Variants in BRINP3 observed in about 807,000 individuals in gnomAD.
BRINP3 encodes BMP/retinoic acid-inducible neural-specific protein 3.
BRINP3 carries 19 observed loss-of-function variants against 71.0 expected under a neutral mutation model. That is an observed-to-expected ratio of 0.27 (90% CI 0.19 to 0.39). BRINP3 has a LOEUF of 0.39. Among genes scored for constraint, BRINP3 ranks in the 10% least tolerant of loss-of-function variants. The probability of loss-of-function intolerance (pLI) is 1.00; values close to 1 mark genes in which losing one functional copy is unlikely to be tolerated. For synonymous variants in BRINP3, 380 were observed against 337.7 expected, an observed-to-expected ratio of 1.13 and a Z score of -1.37; for missense variants, 959 against 940.8, an observed-to-expected ratio of 1.02 and a Z score of -0.25.
intron 3 of BRINP3, among the ~76,000 whole-genome samples, chr1:190,276,644 C>T (rs918489789): frequency 2.6e-5 from 4 of 151,062 alleles, no homozygotes. Context: ...CACACACACA[C>T]ATACACACAC....
At chr1:190,342,489 G>C (rs1667728791) in intron 2 of BRINP3, 1 of 151,218 alleles carries the variant, frequency 6.6e-6, no homozygotes, top group African/African-American at 2.4e-5. Flanking sequence ...ATTTTACGAA[G>C]AGTATTGAAA....
At chr1:190,454,621 A>T (rs1367595460) in intron 2 of BRINP3, 34 bp downstream of exon 2, 2 of 1,562,938 alleles carry the variant, frequency 1.3e-6, no homozygotes, top group Admixed American at 3.4e-5. Flanking sequence ...TTCAAGGATG[A>T]TATTTCTGTA....
intron 2 of BRINP3, among the ~76,000 whole-genome samples, chr1:190,445,556 A>G (rs1675157059): frequency 6.7e-6 from 1 of 148,328 alleles, no homozygotes; most frequent in Non-Finnish European, 1.5e-5. Context: ...ACACACACGC[A>G]CGTGCATAAC....
At chr1:190,173,655 A>G (rs1240207277) in intron 6 of BRINP3, among the ~76,000 whole-genome samples, 1 of 152,208 alleles carries the variant, frequency 6.6e-6, no homozygotes, top group African/African-American at 2.4e-5. Context: ...GAAGACTCCA[A>G]AGAGCTTTTG....
intron 3 of BRINP3, among the ~76,000 whole-genome samples, chr1:190,269,546 A>G (rs949407920): frequency 2.6e-5 from 4 of 152,112 alleles, no homozygotes; most frequent in Admixed American, 1.3e-4. Context: ...GAACTCCTAG[A>G]AATCAAGGAA....
chr1:190,406,405 T>G (rs576261785), intron 2 of BRINP3, among the ~76,000 whole-genome samples: 1 of 152,304 alleles, frequency 6.6e-6, no homozygotes, highest in African/African-American at 2.4e-5. Flanking sequence ...ATACTACTAT[T>G]TCTAGAGCCT....
chr1:190,105,841 T>C (rs1652112246), intron 7 of BRINP3, among the ~76,000 whole-genome samples: 1 of 151,822 alleles, frequency 6.6e-6, no homozygotes, highest in Admixed American at 6.6e-5. Flanking sequence ...TAATATAAAA[T>C]ATAAAAAGAA....
intron 3 of BRINP3, among the ~76,000 whole-genome samples, chr1:190,266,103 CAT>C (rs1294074535): frequency 6.6e-6 from 1 of 152,178 alleles, no homozygotes; most frequent in Non-Finnish European, 1.5e-5. Flanking sequence ...CTCCGACAAA[CAT>C]ATTATCGGAT....
intron 2 of BRINP3, among the ~76,000 whole-genome samples, chr1:190,388,843 T>A (rs1272026238): frequency 2.0e-5 from 3 of 151,798 alleles, no homozygotes; most frequent in Non-Finnish European, 4.4e-5. Flanking sequence ...AATAAGTGAA[T>A]AATCAAAATC....
chr1:190,465,197 T>C (rs1676659518), intron 1 of BRINP3, among the ~76,000 whole-genome samples: 1 of 151,958 alleles, frequency 6.6e-6, no homozygotes, highest in Non-Finnish European at 1.5e-5. Flanking sequence ...GAAAATATCA[T>C]TGTAAGATTC....
chr1:190,230,816 A>G (rs1156548121), intron 5 of BRINP3, among the ~76,000 whole-genome samples: 1 of 151,590 alleles, frequency 6.6e-6, no homozygotes, highest in African/African-American at 2.4e-5. Context: ...TCTTTCCTCC[A>G]AGTCATTATT....
Position 190,339,703 on chromosome 1 carries a change from C to T in BRINP3, c.237-57953G>A, listed in dbSNP as rs536768226. Among the ~76,000 whole-genome samples, 21 of 151,892 alleles carry T rather than the reference C, an allele frequency of 1.4e-4. No homozygotes were observed. The East Asian group carries it at 1.6e-3, about 11-fold the overall frequency. On this transcript the variant is annotated intron_variant, in intron 2 of 7. Transcript: ENST00000367462. ...CCGTACTATTTAAAAAATATTAAAACAAGCCAAACCCTTTTTCTAACAATA... is the reference window on the plus strand; with the variant it reads ...CCGTACTATTTAAAAAATATTAAAATAAGCCAAACCCTTTTTCTAACAATA...
rs572327667 is a variant in BRINP3, at chr1:190,426,597, G to A, written c.236+28058C>T. 6.6e-5 allele frequency among the ~76,000 whole-genome samples: 10 copies of A among 151,816 alleles called. No individual in the cohort carries two copies. In the South Asian group the frequency reaches 2.1e-3, roughly 32 times the overall value. On this transcript the variant is annotated intron_variant, in intron 2 of 7. Coordinates refer to ENST00000367462, the MANE Select transcript of BRINP3 (RefSeq NM_199051.3). ...TTGGGATTTCAGATTTTTCAATTAG[G>A]ATGCTCAGTCTGTAGAAGGAAATAC...
intron 7 of BRINP3, among the ~76,000 whole-genome samples, chr1:190,099,880 G>A (rs890509099): frequency 7.9e-5 from 12 of 152,128 alleles, no homozygotes; most frequent in African/African-American, 2.9e-4. Context: ...TTCTCATCAG[G>A]TTAATCATGA....
chr1:190,348,267 G>T (rs975911561), intron 2 of BRINP3, among the ~76,000 whole-genome samples: 2 of 151,958 alleles, frequency 1.3e-5, no homozygotes, highest in African/African-American at 4.8e-5. Flanking sequence ...GTCCTTTTTG[G>T]CCTGAAGACT....
chr1:190,261,679 A>G (rs908143474), intron 4 of BRINP3, among the ~76,000 whole-genome samples: 6 of 152,222 alleles, frequency 3.9e-5, no homozygotes, highest in African/African-American at 1.4e-4. Flanking sequence ...TGTAAATCAC[A>G]GAACAACTTC....
intron 2 of BRINP3, among the ~76,000 whole-genome samples, chr1:190,359,511 A>T (rs1266655256): frequency 6.6e-6 from 1 of 152,066 alleles, no homozygotes; most frequent in Non-Finnish European, 1.5e-5. Flanking sequence ...CTGTAGTCTC[A>T]ACTACTTCAG....
At chr1:190,182,172 T>C (rs1653087269) in intron 6 of BRINP3, among the ~76,000 whole-genome samples, 1 of 152,102 alleles carries the variant, frequency 6.6e-6, no homozygotes, top group Non-Finnish European at 1.5e-5. Context: ...GATTTCTTTG[T>C]GTTTATCCTA....
chr1:190,473,332 AC>A (rs1284672125), intron 1 of BRINP3, among the ~76,000 whole-genome samples: 1 of 151,976 alleles, frequency 6.6e-6, no homozygotes, highest in Non-Finnish European at 1.5e-5. Flanking sequence ...CAATTTTACA[AC>A]CCAAAGTTAC....
Sources: allele counts gnomAD v4.1 joint callset (sites outside exome capture counted in the v4.1 genomes callset), GRCh38; gene constraint gnomAD v4.1.1; transcripts MANE v1.5; gene names NCBI Gene and HGNC (gene_info 2026-07-23, HGNC 2026-07-21).